Variants in EXD3 observed in about 807,000 individuals in gnomAD.
EXD3 encodes exonuclease mut-7 homolog.
In EXD3, 92 loss-of-function variants were observed where a neutral mutation model predicts 98.0. The observed-to-expected ratio is 0.94, with a 90% CI of 0.79 to 1.12. The LOEUF is 1.12. Ranked by LOEUF, EXD3 falls within the 50% of genes most tolerant of loss-of-function variation. EXD3 has a pLI of 0.00. For missense variants in EXD3, 1,222 were observed against 1,191.6 expected (o/e 1.03, Z -0.38); for synonymous variants, 569 against 526.0 (o/e 1.08, Z -1.12).
intron 9 of EXD3, 29 bp from the exon 10 acceptor site, chr9:137,354,406 G>T: frequency 6.2e-7 from 1 of 1,612,206 alleles, no homozygotes; most frequent in South Asian, 1.1e-5. Flanking sequence ...AGGGGCGGTT[G>T]CCAGGCAGCT....
Position 137,349,561 on chromosome 9 carries a change from C to A in EXD3, c.1495-30G>T. On this transcript the variant is annotated intron_variant, in intron 14 of 21. Coordinates refer to ENST00000340951, the MANE Select transcript of EXD3 (RefSeq NM_017820.5). The surrounding 1 kb of genome is among the most constrained non-coding windows in gnomAD (Gnocchi z 7.4). The stretch of plus-strand genomic sequence containing the variant: ...TAAGACAGTGCCCTGCAGGGTAACG[C>A]GTCTGGCCCTGGCGGCAGCACAGTC... 6.6e-7 allele frequency: 1 copy of A among 1,525,702 alleles called. No individual in the cohort carries two copies. Among genetic ancestry groups the A allele is most frequent in the Non-Finnish European group, 8.8e-7 (1 of 1,137,558 alleles). The allele number at this position is 1,525,702 out of a possible 1,614,324, so 94.5% of individuals were successfully genotyped here.
chr9:137,320,319 C>T (rs1025367244), intron 19 of EXD3, among the ~76,000 whole-genome samples: 3 of 152,242 alleles, frequency 2.0e-5, no homozygotes, highest in Middle Eastern at 3.2e-3. Context: ...CCAAATTCCC[C>T]GCCGGCTGTT....
chr9:137,409,948 G>A (rs1360474039), intron 1 of EXD3, among the ~76,000 whole-genome samples: 1 of 152,064 alleles, frequency 6.6e-6, no homozygotes, highest in African/African-American at 2.4e-5. Context: ...AGGCTGAGGC[G>A]GACGGATCAC....
At chr9:137,344,544 G>A (rs1292869262) in intron 17 of EXD3, among the ~76,000 whole-genome samples, 2 of 152,132 alleles carry the variant, frequency 1.3e-5, no homozygotes, top group Non-Finnish European at 2.9e-5. Flanking sequence ...TGGAAGCCTC[G>A]GGTTTGCTTT....
At chr9:137,319,588 C>T (rs1282404386) in intron 19 of EXD3, among the ~76,000 whole-genome samples, 3 of 152,186 alleles carry the variant, frequency 2.0e-5, no homozygotes, top group Admixed American at 6.5e-5. Flanking sequence ...ATGGTCATCA[C>T]GGATGTGTGG....
At position 137,373,111 on chromosome 9, in the gene EXD3, C is replaced by G. The variant is rs765292481; in HGVS notation, c.295-39G>C. ...GACCCAGACTTACTGGACGCAGCAC[C>G]CAGTGGCTGGGCCATGGGGCCGATT... On this transcript the variant is annotated intron_variant, in intron 4 of 21. Transcript: ENST00000340951. 7 of 1,518,696 alleles carry G rather than the reference C, an allele frequency of 4.6e-6. No homozygotes were observed. The African/African-American group carries it at 9.7e-5, about 21-fold the overall frequency. 94.1% of individuals were successfully genotyped at this position (1,518,696 alleles called of 1,614,324 possible).
rs887337373 is a variant in EXD3, at chr9:137,402,159, G to A, written c.-47-6755C>T. On this transcript the variant is annotated intron_variant, in intron 1 of 21. Coordinates refer to ENST00000340951, the MANE Select transcript of EXD3 (RefSeq NM_017820.5). Reference sequence around the variant, plus strand: ...GCCTCCTGAGTAGCTGGGATTACAGGTGCGTGCCACCACGCCCGGCTAATT... The same window carrying A: ...GCCTCCTGAGTAGCTGGGATTACAGATGCGTGCCACCACGCCCGGCTAATT... 6.6e-5 allele frequency among the ~76,000 whole-genome samples: 10 copies of A among 152,174 alleles called. 1 individual carries two copies. Among genetic ancestry groups the A allele is most frequent in the Admixed American group, 6.5e-4 (10 of 15,282 alleles).
At chr9:137,353,584 A>G in intron 10 of EXD3, 1 of 985,602 alleles carries the variant, frequency 1.0e-6, no homozygotes, top group Non-Finnish European at 1.2e-6. Context: ...CACCAGGGTG[A>G]GCTCTCTCCC....
chr9:137,331,283 C>T (rs1007386474), intron 17 of EXD3, among the ~76,000 whole-genome samples: 1 of 152,060 alleles, frequency 6.6e-6, no homozygotes, highest in African/African-American at 2.4e-5. Context: ...ATATGACAAA[C>T]CCGCAGCCAA....
In EXD3 at chr9:137,309,625, CCTGGTGA is replaced by C; in HGVS notation, c.2253_2259del (p.Ser751ArgfsTer69). 1.9e-6 allele frequency: 3 copies of C among 1,561,532 alleles called. No homozygotes were observed. Among genetic ancestry groups the C allele is most frequent in the Non-Finnish European group, 2.6e-6 (3 of 1,152,884 alleles). On this transcript the variant is annotated frameshift_variant, in exon 20 of 22. Transcript: ENST00000340951. LOFTEE classifies it high-confidence loss of function. ...CACTCACCTGAGCTCCTGGGCCCCT[CCTGGTGA>C]CTGCTGAGCCACATGAGCTGCTTCA...
At chr9:137,355,119 G>A (rs1834554364) in intron 8 of EXD3, among the ~76,000 whole-genome samples, 1 of 152,212 alleles carries the variant, frequency 6.6e-6, no homozygotes. Flanking sequence ...GAACCCTCGT[G>A]GACAGAGCCG....
intron 10 of EXD3, 121 bp from the exon 11 acceptor site, chr9:137,352,907 G>A: frequency 6.9e-7 from 1 of 1,444,494 alleles, no homozygotes; most frequent in Non-Finnish European, 9.1e-7. Context: ...GGGGAGGAGG[G>A]GCAGCCGTCC....
Position 137,351,393 on chromosome 9 carries a change from G to C in EXD3, c.1309C>G (p.Pro437Ala). 1 of 1,610,624 alleles carries C rather than the reference G, an allele frequency of 6.2e-7. No individual in the cohort carries two copies. The highest frequency in any genetic ancestry group is 8.5e-7 in the Non-Finnish European group (1 of 1,179,212). ...LLDVLALSQP[P>A]TGQGAQAFSR... ...AAGGCCTGGGCTCCCTGCCCTGTTG[G>C]TGGCTGCGAGAGTGCCAGGACGTCC... The change falls in exon 13 of 22, where the codon CCA (proline) becomes GCA (alanine). Residue 437 changes from proline (P) to alanine (A), a missense_variant. Coordinates refer to ENST00000340951, the MANE Select transcript of EXD3 (RefSeq NM_017820.5).
At position 137,395,272 on chromosome 9, in the gene EXD3, G is replaced by C. The variant is rs759914492; in HGVS notation, c.55+31C>G. ...CACGCACCTCCCCCCACAGCCCCAG[G>C]GAGACTCGGCACCATCAGGCTCAGA... On this transcript the variant is annotated intron_variant, in intron 2 of 21. Transcript: ENST00000340951. This position sits in a 1 kb window ranked among gnomAD's most constrained non-coding sequence, Gnocchi z 6.5. 1.2e-5 allele frequency: 20 copies of C among 1,603,088 alleles called. No homozygotes were observed. The South Asian group carries it at 2.2e-4, about 18-fold the overall frequency.
chr9:137,348,891 A>T lies in EXD3; in HGVS notation c.1830+219T>A, dbSNP rs146001449. On this transcript the variant is annotated intron_variant, in intron 16 of 21. Transcript: ENST00000340951. ...GGAGGGGACTGGGGCACTCAGGGGC[A>T]CGGCTGCCTCCTGAGCAGTGACCCC... 9.7e-3 allele frequency among the ~76,000 whole-genome samples: 1,471 copies of T among 151,930 alleles called. 21 individuals carry two copies. Among genetic ancestry groups the T allele is most frequent in the African/African-American group, 0.034 (1,388 of 41,422 alleles).
intron 19 of EXD3, among the ~76,000 whole-genome samples, chr9:137,312,649 C>G (rs1831426524): frequency 6.6e-6 from 1 of 151,986 alleles, no homozygotes; most frequent in Admixed American, 6.5e-5. Flanking sequence ...TGCCCCAGAG[C>G]TGGCCATCTG....
At chr9:137,374,309 G>A (rs886376863) in intron 3 of EXD3, among the ~76,000 whole-genome samples, 1 of 152,244 alleles carries the variant, frequency 6.6e-6, no homozygotes, top group Non-Finnish European at 1.5e-5. Flanking sequence ...GCCGACACCC[G>A]ACCTGAAGCC....
At chr9:137,382,057 G>A (rs1407903045) in intron 3 of EXD3, among the ~76,000 whole-genome samples, 1 of 147,212 alleles carries the variant, frequency 6.8e-6, no homozygotes, top group African/African-American at 2.5e-5. Context: ...GTGAGGGCGC[G>A]CGGAGGAGGT....
rs376615517 is a variant in EXD3 at position 137,349,559 on chromosome 9, C to T, written c.1495-28G>A. ...GCTAAGACAGTGCCCTGCAGGGTAA[C>T]GCGTCTGGCCCTGGCGGCAGCACAG... On this transcript the variant is annotated intron_variant, in intron 14 of 21. Transcript: ENST00000340951. The surrounding 1 kb of genome is among the most constrained non-coding windows in gnomAD (Gnocchi z 7.4). The T allele has an allele frequency of 7.3e-5, 111 of 1,529,632 alleles. 1 individual carries two copies. The highest frequency in any genetic ancestry group is 4.3e-4 in the South Asian group (35 of 81,086). 94.8% of individuals were successfully genotyped at this position (1,529,632 alleles called of 1,614,324 possible). A position where few individuals can be genotyped will look rare whatever the true frequency, so the allele number is the denominator to read the frequency against.
Sources: gnomAD v4.1 joint callset for allele counts (sites outside exome capture counted in the v4.1 genomes callset) on GRCh38, gnomAD v4.1.1 for gene constraint, Gnocchi (gnomAD v3.1) non-coding constraint, MANE v1.5 for transcripts, NCBI Gene and HGNC (gene_info 2026-07-23, HGNC 2026-07-21) for gene names.